Variants in ABR observed in about 807,000 individuals in gnomAD.
ABR encodes the protein active breakpoint cluster region-related protein.
A neutral mutation model predicts 107.2 loss-of-function variants in ABR; 35 were observed. The ratio of observed to expected loss-of-function variants is 0.33; its 90% confidence interval spans 0.25 to 0.43. The LOEUF (loss-of-function observed/expected upper bound fraction) is 0.43, where lower values mean the gene tolerates loss of function less well. Ranked by LOEUF, ABR falls within the 20% of genes least tolerant of loss-of-function variation. ABR has a pLI of 1.00. For missense variants in ABR, 815 were observed against 1,115.2 expected (o/e 0.73, Z 3.83); for synonymous variants, 498 against 462.0 (o/e 1.08, Z -1.00).
At chr17:1,076,741 C>G (rs1422605625) in intron 6 of ABR, among the ~76,000 whole-genome samples, 86 of 116,792 alleles carry the variant, frequency 7.4e-4, no homozygotes, top group African/African-American at 3.0e-3. Context: ...GGGGGGGTGG[C>G]GGCACTGGGA....
intron 1 of ABR, among the ~76,000 whole-genome samples, chr17:1,227,858 G>A (rs987040494): frequency 9.9e-5 from 15 of 152,140 alleles, no homozygotes; most frequent in African/African-American, 3.4e-4. Context: ...CTCGGTGGAC[G>A]CTCAATTCCA....
At chr17:1,041,865 G>A (rs2030574299) in intron 16 of ABR, among the ~76,000 whole-genome samples, 1 of 152,180 alleles carries the variant, frequency 6.6e-6, no homozygotes, top group African/African-American at 2.4e-5. Flanking sequence ...ACCAGGGGAG[G>A]AAAGAGCTGA....
chr17:1,075,023 T>C (rs2035585638), intron 6 of ABR, among the ~76,000 whole-genome samples: 1 of 152,152 alleles, frequency 6.6e-6, no homozygotes, highest in Admixed American at 6.5e-5. Context: ...CAACTCAGGT[T>C]AGGCCTCACA....
chr17:1,194,685 G>A lies in ABR; in HGVS notation c.838+34108C>T, dbSNP rs1313106498. Among the ~76,000 whole-genome samples the A allele has an allele frequency of 3.4e-5, 4 of 116,992 alleles. 1 individual carries two copies. The highest frequency in any genetic ancestry group is 8.5e-4 in the East Asian group (2 of 2,346). The allele number at this position is 116,992 out of a possible 152,430, so 76.8% of individuals were successfully genotyped here. ...TTTTTTTTTTTTAAGATGGAGTCTC[G>A]CTCTGTTGCCCAGGCTGGAGTGCAG... On this transcript the variant is annotated intron_variant, in intron 1 of 22. Coordinates refer to the ABR transcript ENST00000574139.
chr17:1,160,707 C>T (rs1316612137), intron 1 of ABR, among the ~76,000 whole-genome samples: 1 of 152,194 alleles, frequency 6.6e-6, no homozygotes, highest in Admixed American at 6.5e-5. Flanking sequence ...GCAGATGACT[C>T]AGCCAGGGCC....
rs1219543197 is a variant in ABR, at chr17:1,004,312, T to C, written c.*1768A>G. The C allele has an allele frequency of 6.6e-6, 1 of 152,456 alleles. No homozygotes were observed. Among genetic ancestry groups the C allele is most frequent in the African/African-American group, 2.4e-5 (1 of 41,468 alleles). The allele number at this position is 152,456 out of a possible 1,614,324, so 9.4% of individuals were successfully genotyped here. On this transcript the variant is annotated 3_prime_UTR_variant, in exon 23 of 23. Transcript: ENST00000302538. Reference sequence around the variant, plus strand: ...GTACTTCCTTCCTCTTGGGCATGTCTTTCCTCCGTGCACAGAGTATTTACT... The same window carrying C: ...GTACTTCCTTCCTCTTGGGCATGTCCTTCCTCCGTGCACAGAGTATTTACT...
intron 4 of ABR, among the ~76,000 whole-genome samples, chr17:1,088,649 G>A (rs558992920): frequency 1.1e-4 from 16 of 151,916 alleles, no homozygotes; most frequent in Middle Eastern, 6.8e-3. Context: ...GGAGTGGCAC[G>A]ATCTCGGCTC....
intron 2 of ABR, among the ~76,000 whole-genome samples, chr17:1,108,133 A>G (rs1567770224): frequency 6.6e-6 from 1 of 152,238 alleles, no homozygotes; most frequent in Non-Finnish European, 1.5e-5. Context: ...CCTTCTCGAC[A>G]CAGAACCAGA....
Position 1,179,551 on chromosome 17 carries a change from C to T in ABR, c.61+116G>A, listed in dbSNP as rs1296419753. 3 of 1,145,386 alleles carry T rather than the reference C, an allele frequency of 2.6e-6. No individual in the cohort carries two copies. The highest frequency in any genetic ancestry group is 3.2e-5 in the East Asian group (1 of 31,186). The allele number at this position is 1,145,386 out of a possible 1,614,324, so 71.0% of individuals were successfully genotyped here. ...CCCGCCCGCGCTCCCCGGACCAGCC[C>T]GGTGCCTGGGTCCCGATCCCGATCT... On this transcript the variant is annotated intron_variant, in intron 1 of 22. Coordinates refer to ENST00000302538, the MANE Select transcript of ABR (RefSeq NM_021962.5). This position sits in a 1 kb window ranked among gnomAD's most constrained non-coding sequence, Gnocchi z 4.9.
intron 16 of ABR, among the ~76,000 whole-genome samples, chr17:1,034,223 G>A (rs1231206908): frequency 6.6e-6 from 1 of 151,984 alleles, no homozygotes; most frequent in Non-Finnish European, 1.5e-5. Context: ...ACAGTGCTGG[G>A]TTTACAGGCA....
chr17:1,015,748 G>A (rs1280389072), intron 16 of ABR, among the ~76,000 whole-genome samples: 1 of 152,138 alleles, frequency 6.6e-6, no homozygotes. Context: ...GTGAGCCACC[G>A]CGCCTGGCCT....
In ABR at chr17:1,070,413, G is replaced by A. The variant is rs139646930; in HGVS notation, c.895-323C>T. Among the ~76,000 whole-genome samples, 318 of 152,316 alleles carry A rather than the reference G, an allele frequency of 2.1e-3. 2 individuals are homozygous for A. Among genetic ancestry groups the A allele is most frequent in the African/African-American group, 7.1e-3 (295 of 41,570 alleles). Reference sequence around the variant, plus strand: ...GTGCATGTGAAACAGCACAGTGCCTGGCACATTAAGTGTGTGCAACGCACG... The same window carrying A: ...GTGCATGTGAAACAGCACAGTGCCTAGCACATTAAGTGTGTGCAACGCACG... On this transcript the variant is annotated intron_variant, in intron 8 of 22. Transcript: ENST00000302538. This position sits in a 1 kb window ranked among gnomAD's most constrained non-coding sequence, Gnocchi z 4.2.
chr17:1,067,224 G>C lies in ABR; in HGVS notation c.1035C>G (p.Asp345Glu), dbSNP rs2034827889. 1 of 1,600,808 alleles carries C rather than the reference G, an allele frequency of 6.2e-7. No individual in the cohort carries two copies. Among genetic ancestry groups the C allele is most frequent in the Non-Finnish European group, 8.5e-7 (1 of 1,174,058 alleles). Residue 345 changes from aspartate to glutamate, a missense_variant, in exon 10 of 23, where the codon GAC becomes GAG. Coordinates refer to ENST00000302538, the MANE Select transcript of ABR (RefSeq NM_021962.5). Reference protein sequence around the residue: ...KTSAGKHQQYDCKWYIPLADL... With the variant: ...KTSAGKHQQYECKWYIPLADL... ...CGGCCAGGGGGATGTACCACTTACA[G>C]TCATACTGCTGGTGCTTCCTGCAAA...
intron 2 of ABR, among the ~76,000 whole-genome samples, chr17:1,122,137 A>C (rs1449000363): frequency 1.3e-5 from 2 of 152,212 alleles, no homozygotes; most frequent in Non-Finnish European, 2.9e-5. Flanking sequence ...TCCTGACCTC[A>C]GGTAATCTGG....
At chr17:1,061,923 T>C (rs943243945) in intron 10 of ABR, among the ~76,000 whole-genome samples, 1 of 152,198 alleles carries the variant, frequency 6.6e-6, no homozygotes, top group African/African-American at 2.4e-5. Flanking sequence ...GGAGTTCAAA[T>C]TCCAGTGGGG....
intron 2 of ABR, among the ~76,000 whole-genome samples, chr17:1,116,289 AC>A (rs35743722): frequency 0.62 from 94,680 of 151,986 alleles, 29,691 homozygotes; most frequent in African/African-American, 0.68. Flanking sequence ...CACTGTTTAT[AC>A]AGTGAAACAA....
chr17:1,185,413 GGCCA>G (rs1240877611), intron 1 of ABR, among the ~76,000 whole-genome samples: 1 of 152,116 alleles, frequency 6.6e-6, no homozygotes, highest in Non-Finnish European at 1.5e-5. Flanking sequence ...GGGAGGCCGA[GGCCA>G]GCGGGTCACC....
intron 4 of ABR, among the ~76,000 whole-genome samples, chr17:1,089,726 G>A (rs1368336235): frequency 6.6e-6 from 1 of 152,184 alleles, no homozygotes; most frequent in African/African-American, 2.4e-5. Context: ...TCGGGAGGCC[G>A]AGGCGGGCGG....
At chr17:1,142,319 T>C (rs1331566807) in intron 1 of ABR, among the ~76,000 whole-genome samples, 1 of 151,694 alleles carries the variant, frequency 6.6e-6, no homozygotes, top group Non-Finnish European at 1.5e-5. Context: ...GCACAGTGGC[T>C]CACGCCTGTC....
Sources: gnomAD v4.1 joint callset for allele counts (sites outside exome capture counted in the v4.1 genomes callset) on GRCh38, gnomAD v4.1.1 for gene constraint, Gnocchi (gnomAD v3.1) non-coding constraint, MANE v1.5 for transcripts, NCBI Gene and HGNC (gene_info 2026-07-23, HGNC 2026-07-21) for gene names.